The following FEM1B variants were observed in gnomAD, a reference collection of about 807,000 sequenced individuals.
The protein encoded by FEM1B is fem-1 homolog B.
A neutral mutation model predicts 38.6 loss-of-function variants in FEM1B; 10 were observed. The ratio of observed to expected loss-of-function variants is 0.26; its 90% confidence interval spans 0.16 to 0.44. The LOEUF (loss-of-function observed/expected upper bound fraction) is 0.44, where lower values mean the gene tolerates loss of function less well. FEM1B is among the 20% of genes least tolerant of loss of function. The probability of loss-of-function intolerance (pLI) is 1.00; values close to 1 mark genes in which losing one functional copy is unlikely to be tolerated. For missense variants in FEM1B, 471 were observed against 786.7 expected (o/e 0.60, Z 4.80); for synonymous variants, 288 against 288.0 (o/e 1.00, Z 0.00).
chr15:68,278,149 C>A lies in FEM1B; in HGVS notation c.-269C>A. 1 of 413,612 alleles carries A rather than the reference C, an allele frequency of 2.4e-6. No homozygotes were observed. Among genetic ancestry groups the A allele is most frequent in the Non-Finnish European group, 4.3e-6 (1 of 230,242 alleles). 25.6% of individuals were successfully genotyped at this position (413,612 alleles called of 1,614,324 possible). A position where few individuals can be genotyped will look rare whatever the true frequency, so the allele number is the denominator to read the frequency against. On this transcript the variant is annotated 5_prime_UTR_variant, in exon 1 of 2. Transcript: ENST00000306917. This position sits in a 1 kb window ranked among gnomAD's most constrained non-coding sequence, Gnocchi z 5.7. Reference sequence around the variant, plus strand: ...GTCCGCCATGGAGATCCCCTCGGTCCAGGGCCGGCGCCTGGGACCTGGCGG... The same window carrying A: ...GTCCGCCATGGAGATCCCCTCGGTCAAGGGCCGGCGCCTGGGACCTGGCGG...
rs1212096474 is a variant in FEM1B, at chr15:68,294,651, C to CTGGT, written c.*3411_*3414dup. On this transcript the variant is annotated 3_prime_UTR_variant, in exon 2 of 2. Coordinates refer to ENST00000306917, the MANE Select transcript of FEM1B (RefSeq NM_015322.5). This position sits in a 1 kb window ranked among gnomAD's most constrained non-coding sequence, Gnocchi z 4.4. ...AGTTGCCAGACCTTTGATTAGTTTGCTGGTTTAGAAACAGCCAGTGGCTGA... is the reference window on the plus strand; with the variant it reads ...AGTTGCCAGACCTTTGATTAGTTTGCTGGTTGGTTTAGAAACAGCCAGTGGCTGA... 6.6e-6 allele frequency: 1 copy of CTGGT among 150,596 alleles called. No individual in the cohort carries two copies. Among genetic ancestry groups the CTGGT allele is most frequent in the African/African-American group, 2.4e-5 (1 of 40,932 alleles). 9.3% of individuals were successfully genotyped at this position (150,596 alleles called of 1,614,324 possible).
At position 68,288,366 on chromosome 15, in the gene FEM1B, T is replaced by C. The variant is rs1448720461; in HGVS notation, c.249-1241T>C. On this transcript the variant is annotated intron_variant, in intron 1 of 1. Transcript: ENST00000306917. This position sits in a 1 kb window ranked among gnomAD's most constrained non-coding sequence, Gnocchi z 4.6. ...AGTGAGAAGCTCACTAGTGTGGTTTTTGGTGTGTATATTTAATTGCCCTAG... is the reference window on the plus strand; with the variant it reads ...AGTGAGAAGCTCACTAGTGTGGTTTCTGGTGTGTATATTTAATTGCCCTAG... Among the ~76,000 whole-genome samples, 1 of 152,220 alleles carries C rather than the reference T, an allele frequency of 6.6e-6. No individual in the cohort carries two copies. The highest frequency in any genetic ancestry group is 1.5e-5 in the Non-Finnish European group (1 of 68,050).
rs1325272524 is a variant in FEM1B at position 68,293,506 on chromosome 15, A to T, written c.*2264A>T. On this transcript the variant is annotated 3_prime_UTR_variant, in exon 2 of 2. Coordinates refer to ENST00000306917, the MANE Select transcript of FEM1B (RefSeq NM_015322.5). This position sits in a 1 kb window ranked among gnomAD's most constrained non-coding sequence, Gnocchi z 5.8. ...ATTTTGAGAAGGGAAGACAATGCTG[A>T]AGAAAGTAAAACTGTTGATTGAAAT... The T allele has an allele frequency of 6.6e-6, 1 of 152,190 alleles. No homozygotes were observed. The highest frequency in any genetic ancestry group is 1.5e-5 in the Non-Finnish European group (1 of 68,008). 9.4% of individuals were successfully genotyped at this position (152,190 alleles called of 1,614,324 possible).
chr15:68,294,685 G>A lies in FEM1B; in HGVS notation c.*3443G>A, dbSNP rs1343823766. 2.0e-5 allele frequency: 3 copies of A among 151,966 alleles called. No individual in the cohort carries two copies. Among genetic ancestry groups the A allele is most frequent in the Admixed American group, 1.3e-4 (2 of 15,254 alleles). 9.4% of individuals were successfully genotyped at this position (151,966 alleles called of 1,614,324 possible). The stretch of plus-strand genomic sequence containing the variant: ...AAACAGCCAGTGGCTGAATTAGTGA[G>A]TAAATGAATGAAAGTATAAAGGACT... On this transcript the variant is annotated 3_prime_UTR_variant, in exon 2 of 2. Transcript: ENST00000306917. This position sits in a 1 kb window ranked among gnomAD's most constrained non-coding sequence, Gnocchi z 4.4.
At position 68,278,604 on chromosome 15, in the gene FEM1B, C is replaced by T. The variant is rs1049891724; in HGVS notation, c.187C>T (p.Arg63Cys). 1 of 1,614,012 alleles carries T rather than the reference C, an allele frequency of 6.2e-7. No individual in the cohort carries two copies. The highest frequency in any genetic ancestry group is 8.5e-7 in the Non-Finnish European group (1 of 1,180,040). ...AARNGHAKVV[R>C]LLLEHYRVQT... is the part of the protein sequence containing the mutation. ...CCGCAATGGACACGCAAAGGTGGTA[C>T]GCTTGCTCTTAGAACATTACCGGGT... The change falls in exon 1 of 2, where the codon CGC becomes TGC. Residue 63 changes from arginine to cysteine, a missense_variant. Around this residue, in one of 3 missense-constraint regions of FEM1B, gnomAD observed 91 missense variants for 169.6 expected, o/e 0.54. Transcript: ENST00000306917. This position sits in a 1 kb window ranked among gnomAD's most constrained non-coding sequence, Gnocchi z 5.7.
Position 68,280,803 on chromosome 15 carries a change from C to T in FEM1B, c.248+2138C>T, listed in dbSNP as rs1025328534. On this transcript the variant is annotated intron_variant, in intron 1 of 1. Coordinates refer to ENST00000306917, the MANE Select transcript of FEM1B (RefSeq NM_015322.5). This position sits in a 1 kb window ranked among gnomAD's most constrained non-coding sequence, Gnocchi z 4.2. ...ATGTTTCCATCATTTAAGATTTCATCTCCTTGATTCTGTATATCAGTTTAG... is the reference window on the plus strand; with the variant it reads ...ATGTTTCCATCATTTAAGATTTCATTTCCTTGATTCTGTATATCAGTTTAG... Among the ~76,000 whole-genome samples the T allele has an allele frequency of 2.0e-4, 30 of 152,152 alleles. No individual in the cohort carries two copies. Among genetic ancestry groups the T allele is most frequent in the African/African-American group, 7.0e-4 (29 of 41,440 alleles).
chr15:68,281,757 A>G lies in FEM1B; in HGVS notation c.248+3092A>G, dbSNP rs1042216447. On this transcript the variant is annotated intron_variant, in intron 1 of 1. Transcript: ENST00000306917. This position sits in a 1 kb window ranked among gnomAD's most constrained non-coding sequence, Gnocchi z 5.1. Reference sequence around the variant, plus strand: ...CTCAGCCTCCCGAGTAGCTGGGACTACAGGTGCCCACAACCATGCCTGGCT... The same window carrying G: ...CTCAGCCTCCCGAGTAGCTGGGACTGCAGGTGCCCACAACCATGCCTGGCT... Among the ~76,000 whole-genome samples, 6 of 152,096 alleles carry G rather than the reference A, an allele frequency of 3.9e-5. No homozygotes were observed. Among genetic ancestry groups the G allele is most frequent in the African/African-American group, 9.7e-5 (4 of 41,408 alleles).
Position 68,289,503 on chromosome 15 carries a change from T to A in FEM1B, c.249-104T>A. 1 of 730,384 alleles carries A rather than the reference T, an allele frequency of 1.4e-6. No individual in the cohort carries two copies. The highest frequency in any genetic ancestry group is 2.3e-6 in the Non-Finnish European group (1 of 440,654). The allele number at this position is 730,384 out of a possible 1,614,324, so 45.2% of individuals were successfully genotyped here. A position where few individuals can be genotyped will look rare whatever the true frequency, so the allele number is the denominator to read the frequency against. On this transcript the variant is annotated intron_variant, in intron 1 of 1. Coordinates refer to ENST00000306917, the MANE Select transcript of FEM1B (RefSeq NM_015322.5). The surrounding 1 kb of genome is among the most constrained non-coding windows in gnomAD (Gnocchi z 6.9). ...TTCATGAGAACTGATGTTTTATTAA[T>A]GTTCTGGAGAGTGAGGTCTTGGTCG...
chr15:68,284,590 T>C lies in FEM1B; in HGVS notation c.249-5017T>C, dbSNP rs1264896044. On this transcript the variant is annotated intron_variant, in intron 1 of 1. Transcript: ENST00000306917. This position sits in a 1 kb window ranked among gnomAD's most constrained non-coding sequence, Gnocchi z 4.4. ...AATACTGTACAATGAATTTTTAATA[T>C]GTTTACATCCATCTAGTCACTCTCT... Among the ~76,000 whole-genome samples, 1 of 152,220 alleles carries C rather than the reference T, an allele frequency of 6.6e-6. No individual in the cohort carries two copies. Among genetic ancestry groups the C allele is most frequent in the Non-Finnish European group, 1.5e-5 (1 of 68,042 alleles).
Position 68,277,767 on chromosome 15 carries a change from G to A in FEM1B, c.-651G>A, listed in dbSNP as rs1481184696. 1 of 152,298 alleles carries A rather than the reference G, an allele frequency of 6.6e-6. No homozygotes were observed. The highest frequency in any genetic ancestry group is 2.4e-5 in the African/African-American group (1 of 41,462). The allele number at this position is 152,298 out of a possible 1,614,324, so 9.4% of individuals were successfully genotyped here. A position where few individuals can be genotyped will look rare whatever the true frequency, so the allele number is the denominator to read the frequency against. Reference sequence around the variant, plus strand: ...GCCCTCTCCTCCCGGCCCTGTCTGCGAAAGCTCGTCTTCCTCCCCGCCCAA... The same window carrying A: ...GCCCTCTCCTCCCGGCCCTGTCTGCAAAAGCTCGTCTTCCTCCCCGCCCAA... On this transcript the variant is annotated 5_prime_UTR_variant, in exon 1 of 2. Coordinates refer to ENST00000306917, the MANE Select transcript of FEM1B (RefSeq NM_015322.5).
rs949584490 is a variant in FEM1B, at chr15:68,283,445, T to C, written c.248+4780T>C. Among the ~76,000 whole-genome samples the C allele has an allele frequency of 2.1e-5, 3 of 146,326 alleles. No homozygotes were observed. In the Admixed American group the frequency reaches 2.1e-4, roughly 10 times the overall value. ...TTGGGAGGCCTAGGTGGGGATATCA[T>C]TTGAGCTCAGGAATTTGAGACCATC... is the stretch of plus-strand genomic sequence containing the variant. On this transcript the variant is annotated intron_variant, in intron 1 of 1. Coordinates refer to ENST00000306917, the MANE Select transcript of FEM1B (RefSeq NM_015322.5).
chr15:68,282,317 A>G (rs1892737316), intron 1 of FEM1B, among the ~76,000 whole-genome samples: 1 of 152,142 alleles, frequency 6.6e-6, no homozygotes, highest in Non-Finnish European at 1.5e-5. Flanking sequence ...GAGGCGGAGG[A>G]AAGGCATGAG....
chr15:68,287,756 C>T (rs1178727029), intron 1 of FEM1B, among the ~76,000 whole-genome samples: 1 of 151,832 alleles, frequency 6.6e-6, no homozygotes, highest in Non-Finnish European at 1.5e-5. Context: ...GCCGCATCCT[C>T]CAGAGGGGAG....
chr15:68,278,259 T>C lies in FEM1B; in HGVS notation c.-159T>C. The C allele has an allele frequency of 1.0e-6, 1 of 973,896 alleles. No individual in the cohort carries two copies. Among genetic ancestry groups the C allele is most frequent in the Non-Finnish European group, 1.5e-6 (1 of 678,038 alleles). 60.3% of individuals were successfully genotyped at this position (973,896 alleles called of 1,614,324 possible). ...CTCGGCCTCCTCTGCGTCTCCGCCT[T>C]CCCTGGGCCGCACTGCTGCCTGGGC... On this transcript the variant is annotated 5_prime_UTR_variant, in exon 1 of 2. Transcript: ENST00000306917. This position sits in a 1 kb window ranked among gnomAD's most constrained non-coding sequence, Gnocchi z 5.7.
rs1311299596 is a variant in FEM1B, at chr15:68,280,194, G to A, written c.248+1529G>A. On this transcript the variant is annotated intron_variant, in intron 1 of 1. Coordinates refer to ENST00000306917, the MANE Select transcript of FEM1B (RefSeq NM_015322.5). This position sits in a 1 kb window ranked among gnomAD's most constrained non-coding sequence, Gnocchi z 4.2. ...TCAGTCGTCAAAGAGATGTTTTGAG[G>A]TGGCAATTAAAAGAACCTGAAATGA... The A allele has an allele frequency of 6.6e-6, 1 of 152,216 alleles. No homozygotes were observed. 9.4% of individuals were successfully genotyped at this position (152,216 alleles called of 1,614,324 possible).
In FEM1B at chr15:68,279,472, C is replaced by T. The variant is rs72741150; in HGVS notation, c.248+807C>T. ...CCAGAATTGTCAGGTTTGACATTAT[C>T]CTCTTTTCTATGCTGGAGGATTATA... On this transcript the variant is annotated intron_variant, in intron 1 of 1. Coordinates refer to ENST00000306917, the MANE Select transcript of FEM1B (RefSeq NM_015322.5). Among the ~76,000 whole-genome samples, 1,095 of 152,276 alleles carry T rather than the reference C, an allele frequency of 7.2e-3. 8 individuals are homozygous for T. Among genetic ancestry groups the T allele is most frequent in the Non-Finnish European group, 0.012 (840 of 68,018 alleles).
chr15:68,290,046 T>A lies in FEM1B; in HGVS notation c.688T>A (p.Cys230Ser). 1 of 1,614,230 alleles carries A rather than the reference T, an allele frequency of 6.2e-7. No homozygotes were observed. Among genetic ancestry groups the A allele is most frequent in the Non-Finnish European group, 8.5e-7 (1 of 1,180,036 alleles). ...MTPLKVAAESCKADVVELLLS... is the reference protein window; with the variant it reads ...MTPLKVAAESSKADVVELLLS... ...GCCATTGAAAGTAGCTGCCGAAAGC[T>A]GTAAAGCTGATGTCGTAGAACTGTT... Residue 230 changes from cysteine to serine, a missense_variant, in exon 2 of 2, where the codon TGT becomes AGT. Cys to Ser is a moderately radical substitution (Grantham distance 112). Coordinates refer to ENST00000306917, the MANE Select transcript of FEM1B (RefSeq NM_015322.5). This position sits in a 1 kb window ranked among gnomAD's most constrained non-coding sequence, Gnocchi z 9.7.
chr15:68,284,034 C>T lies in FEM1B; in HGVS notation c.248+5369C>T, dbSNP rs775421523. On this transcript the variant is annotated intron_variant, in intron 1 of 1. Transcript: ENST00000306917. This position sits in a 1 kb window ranked among gnomAD's most constrained non-coding sequence, Gnocchi z 4.4. ...CCGAGTAGCTGGGATTACAGACATG[C>T]GCCACCACACCTGGCTAATTTTGTA... 2.0e-4 allele frequency among the ~76,000 whole-genome samples: 30 copies of T among 151,954 alleles called. No individual in the cohort carries two copies. The highest frequency in any genetic ancestry group is 3.9e-4 in the Admixed American group (6 of 15,270).
rs1206023293 is a variant in FEM1B at position 68,278,567 on chromosome 15, C to T, written c.150C>T (p.Leu50=). The change falls in exon 1 of 2, where the codon CTC becomes CTT. Residue 50 remains leucine (L), a synonymous_variant. Transcript: ENST00000306917. This position sits in a 1 kb window ranked among gnomAD's most constrained non-coding sequence, Gnocchi z 5.7. ...SQQGGQRSTP[L]IIAARNGHAK... The stretch of plus-strand genomic sequence containing the variant: ...AGGGAGGGCAGCGCTCCACGCCCCT[C>T]ATCATCGCAGCCCGCAATGGACACG... 5 of 1,614,044 alleles carry T rather than the reference C, an allele frequency of 3.1e-6. No individual in the cohort carries two copies. The African/African-American group carries it at 4.0e-5, about 13-fold the overall frequency.
Sources: gnomAD v4.1 joint callset for allele counts (sites outside exome capture counted in the v4.1 genomes callset) on GRCh38, gnomAD v4.1.1 for gene constraint, gnomAD v4.1.1 regional missense constraint, Gnocchi (gnomAD v3.1) non-coding constraint, MANE v1.5 for transcripts, NCBI Gene and HGNC (gene_info 2026-07-23, HGNC 2026-07-21) for gene names.